WDR62: variants seen among roughly 807,000 people sequenced by gnomAD.
WDR62 encodes WD repeat-containing protein 62.
In WDR62, 112 loss-of-function variants were observed where a neutral mutation model predicts 160.6. That is an observed-to-expected ratio of 0.70 (90% CI 0.60 to 0.82). The LOEUF (loss-of-function observed/expected upper bound fraction) is 0.82. WDR62 is among the 40% of genes least tolerant of loss of function. The pLI is 0.00. For missense variants in WDR62, 1,819 were observed against 1,983.8 expected, an observed-to-expected ratio of 0.92 and a Z score of 1.58; for synonymous variants, 792 against 815.1, an observed-to-expected ratio of 0.97 and a Z score of 0.48.
intron 22 of WDR62, among the ~76,000 whole-genome samples, chr19:36,100,352 C>T (rs1365891168): frequency 6.6e-6 from 1 of 152,154 alleles, no homozygotes; most frequent in Non-Finnish European, 1.5e-5. Flanking sequence ...GCTTGATGAA[C>T]TATCTGTGTA....
intron 12 of WDR62, among the ~76,000 whole-genome samples, 189 bp downstream of exon 12, chr19:36,084,933 AG>A (rs1185827680): frequency 3.3e-5 from 5 of 152,178 alleles, no homozygotes; most frequent in African/African-American, 1.2e-4. Context: ...AGACACCCGC[AG>A]GCAGGACTCA....
At chr19:36,060,165 TGTGCTGG>T in intron 3 of WDR62, 135 bp downstream of exon 3, 1 of 906,620 alleles carries the variant, frequency 1.1e-6, no homozygotes, top group East Asian at 2.4e-5. Flanking sequence ...AGCATTCGCC[TGTGCTGG>T]GTGCTGTTCC....
chr19:36,090,186 G>A (rs987604789), intron 15 of WDR62, among the ~76,000 whole-genome samples: 2 of 152,222 alleles, frequency 1.3e-5, no homozygotes, highest in African/African-American at 2.4e-5. Flanking sequence ...AGTGCAAAGA[G>A]GCTCTGCACC....
chr19:36,070,298 A>T (rs1971228842), intron 7 of WDR62: 2 of 151,620 alleles, frequency 1.3e-5, no homozygotes. Context: ...AGCTGGGATT[A>T]CAGGTGCCTG....
chr19:36,096,347 C>T (rs1448276260), intron 20 of WDR62, among the ~76,000 whole-genome samples: 2 of 152,164 alleles, frequency 1.3e-5, no homozygotes, highest in East Asian at 3.8e-4. Context: ...GAAGTATCCT[C>T]CCACCTCGAC....
At chr19:36,108,174 C>T (rs775932516), downstream of WDR62, among the ~76,000 whole-genome samples, 2 of 152,110 alleles carry the variant, frequency 1.3e-5, no homozygotes, top group African/African-American at 2.4e-5. Flanking sequence ...AACACCCTGA[C>T]CTTACTCCCC....
intron 21 of WDR62, among the ~76,000 whole-genome samples, chr19:36,097,382 G>T (rs765222176): frequency 1.3e-5 from 2 of 152,228 alleles, no homozygotes; most frequent in Non-Finnish European, 2.9e-5. Context: ...AGTAGGTTGG[G>T]TGCTGATAAG....
rs116532501 is a variant in WDR62 at position 36,086,391 on chromosome 19, C to T, written c.1643-296C>T. On this transcript the variant is annotated intron_variant, in intron 12 of 31. Coordinates refer to ENST00000401500, the MANE Select transcript of WDR62 (RefSeq NM_001083961.2). ...AGCACAGACCCAGCAGGCAAGAGCG[C>T]TGGGCTCTGCTGGGGCGTCTGCTGT... Among the ~76,000 whole-genome samples, 1,589 of 152,298 alleles carry T rather than the reference C, an allele frequency of 0.01. 12 individuals are homozygous for T. The highest frequency in any genetic ancestry group is 0.042 in the South Asian group (202 of 4,826).
rs761754553 is a variant in WDR62 at position 36,089,210 on chromosome 19, G to T, written c.1862G>T (p.Arg621Leu). The T allele has an allele frequency of 1.2e-6, 2 of 1,614,172 alleles. No homozygotes were observed. Among genetic ancestry groups the T allele is most frequent in the Non-Finnish European group, 1.7e-6 (2 of 1,180,028 alleles). ...GGTTCGGATGGACTACACTTTGTCC[G>T]TACCCACCACGTAGCAGAGAAAACC... ...QQGSDGLHFV[R>L]THHVAEKTTL... Residue 621 changes from arginine to leucine, a missense_variant, in exon 15 of 32, where the codon CGT becomes CTT. Around this residue, in one of 3 missense-constraint regions of WDR62, gnomAD observed 934 missense variants for 1,157.2 expected, o/e 0.81. Coordinates refer to ENST00000401500, the MANE Select transcript of WDR62 (RefSeq NM_001083961.2).
At chr19:36,057,585 G>A (rs1970434590) in intron 1 of WDR62, among the ~76,000 whole-genome samples, 1 of 151,730 alleles carries the variant, frequency 6.6e-6, no homozygotes, top group Non-Finnish European at 1.5e-5. Flanking sequence ...TGCCATCTCA[G>A]CTCACTGCAA....
Position 36,088,939 on chromosome 19 carries a change from G to A in WDR62, c.1769-99G>A, listed in dbSNP as rs1399516281. On this transcript the variant is annotated intron_variant, in intron 13 of 31. Transcript: ENST00000401500. ...CCACCTTTAGGAAGCCTTGATCCCA[G>A]CACAGTTGATTGATGGCTCTTGCAG... The A allele has an allele frequency of 4.4e-6, 6 of 1,371,912 alleles. No individual in the cohort carries two copies. In the East Asian group the frequency reaches 1.2e-4, roughly 27 times the overall value. The allele number at this position is 1,371,912 out of a possible 1,614,324, so 85.0% of individuals were successfully genotyped here.
At chr19:36,088,933 A>T in intron 13 of WDR62, 105 bp from the exon 14 acceptor site, 1 of 1,321,826 alleles carries the variant, frequency 7.6e-7, no homozygotes, top group Non-Finnish European at 1.1e-6. Flanking sequence ...GGAAGCCTTG[A>T]TCCCAGCACA....
chr19:36,091,148 C>A, intron 16 of WDR62, 52 bp from the exon 17 acceptor site: 2 of 1,527,062 alleles, frequency 1.3e-6, no homozygotes, highest in Non-Finnish European at 1.8e-6. Context: ...CAGGCCTCAT[C>A]ATAAGGAAGA....
intron 21 of WDR62, among the ~76,000 whole-genome samples, 168 bp from the exon 22 acceptor site, chr19:36,099,221 CAAAAAAAAAA>C (rs71167592): frequency 2.6e-5 from 2 of 76,318 alleles, no homozygotes; most frequent in Non-Finnish European, 4.9e-5. Flanking sequence ...GACTTCGTCT[CAAAAAAAAAA>C]AAAAAAAAAA....
intron 21 of WDR62, 62 bp from the exon 22 acceptor site, chr19:36,099,337 G>A (rs1050004885): frequency 2.0e-5 from 29 of 1,422,870 alleles, no homozygotes; most frequent in Non-Finnish European, 2.7e-5. Flanking sequence ...TGAAATGTCC[G>A]TGTCGCTCCC....
intron 3 of WDR62, chr19:36,060,904 G>A (rs1237404043): frequency 6.6e-6 from 1 of 152,184 alleles, no homozygotes; most frequent in Non-Finnish European, 1.5e-5. Flanking sequence ...AACATGATTT[G>A]GGTTTTAGAA....
chr19:36,108,358 C>G (rs1204703375), downstream of WDR62, among the ~76,000 whole-genome samples: 9 of 151,858 alleles, frequency 5.9e-5, no homozygotes, highest in African/African-American at 2.2e-4. Context: ...CACTGCAACT[C>G]CCCCCCTGCT....
At chr19:36,070,096 A>T (rs187963536) in intron 7 of WDR62, 1 of 152,120 alleles carries the variant, frequency 6.6e-6, no homozygotes, top group East Asian at 1.9e-4. Flanking sequence ...CATTGATTTA[A>T]TAACTTTTCA....
rs1972510 is a variant in WDR62, at chr19:36,094,271, C to T, written c.2467+107C>T. 154,763 of 1,459,160 alleles carry T rather than the reference C, an allele frequency of 0.11. 9,359 individuals carry two copies. Among genetic ancestry groups the T allele is most frequent in the Admixed American group, 0.24 (13,891 of 57,252 alleles). The allele number at this position is 1,459,160 out of a possible 1,614,324, so 90.4% of individuals were successfully genotyped here. A position where few individuals can be genotyped will look rare whatever the true frequency, so the allele number is the denominator to read the frequency against. ...CTGGCACATATTAAAACTCAGGAGT[C>T]GACAGGGTGCGGTGGCTGATACCTG... On this transcript the variant is annotated intron_variant, in intron 20 of 31. Transcript: ENST00000401500.
Sources: gnomAD v4.1 joint callset for allele counts (sites outside exome capture counted in the v4.1 genomes callset) on GRCh38, gnomAD v4.1.1 for gene constraint, gnomAD v4.1.1 regional missense constraint, MANE v1.5 for transcripts, NCBI Gene and HGNC (gene_info 2026-07-23, HGNC 2026-07-21) for gene names.